The following WDR7 variants were observed in gnomAD, a reference collection of about 807,000 sequenced individuals.
The protein encoded by WDR7 is WD repeat domain 7, also known as WD repeat-containing protein 7.
A neutral mutation model predicts 169.4 loss-of-function variants in WDR7; 46 were observed. The ratio of observed to expected loss-of-function variants is 0.27; its 90% CI spans 0.21 to 0.35. The LOEUF (loss-of-function observed/expected upper bound fraction) is 0.35, where lower values mean the gene tolerates loss of function less well. Among genes scored for constraint, WDR7 ranks in the 10% least tolerant of loss-of-function variants. The probability of loss-of-function intolerance (pLI) is 1.00; values close to 1 mark genes in which losing one functional copy is unlikely to be tolerated. For synonymous variants in WDR7, 612 were observed against 666.8 expected (o/e 0.92, Z 1.27); for missense variants, 1,534 against 1,859.3 (o/e 0.83, Z 3.22).
At position 57,010,130 on chromosome 18, in the gene WDR7, G is replaced by A. The variant is rs1461629190; in HGVS notation, c.4165-10615G>A. On this transcript the variant is annotated intron_variant, in intron 26 of 27. Coordinates refer to ENST00000254442, the MANE Select transcript of WDR7 (RefSeq NM_015285.3). ...AGGAACTCCATGTGGAAGCAGGAGG[G>A]GAGGGATTTATTTTCATAGCACAGT... The A allele has an allele frequency of 1.2e-5, 12 of 985,394 alleles. No homozygotes were observed. In the South Asian group the frequency reaches 1.9e-4, roughly 15 times the overall value. The allele number at this position is 985,394 out of a possible 1,614,324, so 61.0% of individuals were successfully genotyped here.
chr18:56,699,100 C>A (rs1457787124), intron 12 of WDR7, among the ~76,000 whole-genome samples: 3 of 151,734 alleles, frequency 2.0e-5, no homozygotes, highest in African/African-American at 7.3e-5. Context: ...TTCAAAAGTC[C>A]TGATAAAGAC....
downstream of WDR7, chr18:57,029,849 A>G (rs1479557036): frequency 6.6e-6 from 1 of 152,230 alleles, no homozygotes; most frequent in Non-Finnish European, 1.5e-5. Context: ...AAACATCCTC[A>G]GTTGAAATCC....
At chr18:56,907,561 A>G (rs1043125844) in intron 21 of WDR7, among the ~76,000 whole-genome samples, 1 of 152,220 alleles carries the variant, frequency 6.6e-6, no homozygotes, top group Non-Finnish European at 1.5e-5. Context: ...TAAAATAGGC[A>G]TGAAGATATT....
chr18:56,853,014 CATT>C lies in WDR7; in HGVS notation c.3305-26926_3305-26924del, dbSNP rs201652936. On this transcript the variant is annotated intron_variant, in intron 20 of 27. Coordinates refer to ENST00000254442, the MANE Select transcript of WDR7 (RefSeq NM_015285.3). Reference sequence around the variant, plus strand: ...ATTGAATCATTAGTAAACTTGAAAACATTATTTATTGTTTAAGAGGAAATGAAG... The same window carrying C: ...ATTGAATCATTAGTAAACTTGAAAACATTTATTGTTTAAGAGGAAATGAAG... Among the ~76,000 whole-genome samples, 1,241 of 152,210 alleles carry C rather than the reference CATT, an allele frequency of 8.2e-3. 21 individuals are homozygous for C. Among genetic ancestry groups the C allele is most frequent in the African/African-American group, 0.026 (1,089 of 41,546 alleles).
intron 26 of WDR7, among the ~76,000 whole-genome samples, chr18:56,967,791 G>T (rs1355768114): frequency 6.6e-6 from 1 of 152,156 alleles, no homozygotes; most frequent in Non-Finnish European, 1.5e-5. Flanking sequence ...GATATAAAAT[G>T]GTGAGGCATT....
intron 25 of WDR7, among the ~76,000 whole-genome samples, chr18:56,944,468 T>C (rs1053129662): frequency 8.5e-5 from 13 of 152,364 alleles, no homozygotes; most frequent in African/African-American, 2.4e-4. Context: ...TGACTTAATA[T>C]ATAATTTAAT....
chr18:56,677,931 G>A lies in WDR7; in HGVS notation c.160-1401G>A, dbSNP rs568915161. Among the ~76,000 whole-genome samples the A allele has an allele frequency of 3.3e-5, 5 of 152,108 alleles. No homozygotes were observed. The South Asian group carries it at 8.3e-4, about 25-fold the overall frequency. ...TGAGGCTATTTTCTAGATCCTGTAG[G>A]CATGCTTCATGGCTTTTTATTCTCT... On this transcript the variant is annotated intron_variant, in intron 2 of 27. Coordinates refer to ENST00000254442, the MANE Select transcript of WDR7 (RefSeq NM_015285.3).
intron 16 of WDR7, among the ~76,000 whole-genome samples, chr18:56,771,448 G>A (rs1377510443): frequency 7.2e-5 from 11 of 152,058 alleles, no homozygotes; most frequent in South Asian, 2.1e-4. Flanking sequence ...AAGGTGGAGC[G>A]TGGTGGCTCA....
chr18:56,665,093 G>A (rs2024988542), intron 1 of WDR7, among the ~76,000 whole-genome samples: 1 of 152,192 alleles, frequency 6.6e-6, no homozygotes, highest in South Asian at 2.1e-4. Context: ...AGGAGTTTGA[G>A]ATCAGCCTGG....
chr18:56,755,027 A>T (rs774835078), intron 14 of WDR7, among the ~76,000 whole-genome samples: 2 of 151,956 alleles, frequency 1.3e-5, no homozygotes, highest in East Asian at 1.9e-4. Context: ...TTGACAACCA[A>T]TTTGAGCAGG....
chr18:56,731,311 A>G (rs2026581157), intron 13 of WDR7, 72 bp from the exon 14 acceptor site: 5 of 1,509,030 alleles, frequency 3.3e-6, no homozygotes, highest in Non-Finnish European at 4.4e-6. Flanking sequence ...TTTTCATACC[A>G]TTTTTTCTTT....
At chr18:56,789,580 T>TG (rs1396144979) in intron 19 of WDR7, among the ~76,000 whole-genome samples, 4 of 152,226 alleles carry the variant, frequency 2.6e-5, no homozygotes, top group South Asian at 2.1e-4. Context: ...AGTGAGGAGA[T>TG]GGGGGAGTCC....
intron 19 of WDR7, among the ~76,000 whole-genome samples, chr18:56,798,017 AC>A (rs1448856446): frequency 6.6e-6 from 1 of 152,178 alleles, no homozygotes; most frequent in Non-Finnish European, 1.5e-5. Context: ...AGGGAAATGT[AC>A]ACTAATTTTG....
At chr18:57,020,621 A>G (rs2048275127) in intron 26 of WDR7, 124 bp from the exon 27 acceptor site, 1 of 853,184 alleles carries the variant, frequency 1.2e-6, no homozygotes, top group Non-Finnish European at 1.8e-6. Context: ...GATTTTATAA[A>G]CAAAGAAGAT....
rs2045624380 is a variant in WDR7, at chr18:56,850,424, G to A, written c.3305-29520G>A. Among the ~76,000 whole-genome samples, 3 of 152,118 alleles carry A rather than the reference G, an allele frequency of 2.0e-5. No homozygotes were observed. In the South Asian group the frequency reaches 6.2e-4, roughly 32 times the overall value. On this transcript the variant is annotated intron_variant, in intron 20 of 27. Coordinates refer to ENST00000254442, the MANE Select transcript of WDR7 (RefSeq NM_015285.3). ...GATGATTGAATAAATTGATATTCCA[G>A]TTGCCTATTTGCCATGTATACGTAG...
chr18:56,835,787 T>G (rs2045385778), intron 20 of WDR7, among the ~76,000 whole-genome samples: 1 of 152,214 alleles, frequency 6.6e-6, no homozygotes, highest in Admixed American at 6.5e-5. Context: ...CAGGTAGGTA[T>G]GAGATTATTC....
chr18:56,932,587 C>T (rs978531446), intron 22 of WDR7, among the ~76,000 whole-genome samples: 12 of 152,076 alleles, frequency 7.9e-5, no homozygotes, highest in South Asian at 4.1e-4. Context: ...TTATGAGAAG[C>T]GTCTTTGGTC....
chr18:56,819,271 C>T (rs929185315), intron 20 of WDR7, among the ~76,000 whole-genome samples: 14 of 151,926 alleles, frequency 9.2e-5, no homozygotes, highest in African/African-American at 2.2e-4. Context: ...TTATTTGAAG[C>T]GAAGAATCTT....
chr18:56,962,996 G>T (rs191695828), intron 26 of WDR7, among the ~76,000 whole-genome samples: 8 of 152,216 alleles, frequency 5.3e-5, no homozygotes, highest in Non-Finnish European at 1.0e-4. Flanking sequence ...TCTGTGAAAA[G>T]GAAATACATG....
Sources: gnomAD v4.1 joint callset for allele counts (sites outside exome capture counted in the v4.1 genomes callset) on GRCh38, gnomAD v4.1.1 for gene constraint, MANE v1.5 for transcripts, NCBI Gene and HGNC (gene_info 2026-07-23, HGNC 2026-07-21) for gene names.